Variants in FRMD4A observed in about 807,000 individuals in gnomAD.
The protein encoded by FRMD4A is FERM domain-containing protein 4A.
A neutral mutation model predicts 129.1 loss-of-function variants in FRMD4A; 29 were observed. The ratio of observed to expected loss-of-function variants is 0.22; its 90% confidence interval spans 0.17 to 0.31. FRMD4A has a LOEUF of 0.31. Ranked by LOEUF, FRMD4A falls within the 10% of genes least tolerant of loss-of-function variation. The pLI is 1.00. For missense variants in FRMD4A, 1,272 were observed against 1,375.8 expected (o/e 0.92, Z 1.19); for synonymous variants, 634 against 571.6 (o/e 1.11, Z -1.56).
At chr10:14,224,772 G>T (rs1338909413) in intron 2 of FRMD4A, among the ~76,000 whole-genome samples, 3 of 152,158 alleles carry the variant, frequency 2.0e-5, no homozygotes, top group Non-Finnish European at 4.4e-5. Flanking sequence ...TAAGAGGAGA[G>T]AATTGACTAA....
chr10:14,042,214 C>T (rs1833805980), intron 2 of FRMD4A, among the ~76,000 whole-genome samples: 1 of 152,220 alleles, frequency 6.6e-6, no homozygotes, highest in African/African-American at 2.4e-5. Context: ...TATACTGGTC[C>T]AAGCAAGCAT....
At chr10:13,759,460 C>T (rs192947156) in intron 8 of FRMD4A, among the ~76,000 whole-genome samples, 6 of 152,278 alleles carry the variant, frequency 3.9e-5, no homozygotes, top group East Asian at 1.9e-4. Context: ...CATTCCATCC[C>T]GTCAGGGTAC....
chr10:13,657,620 T>C, intron 21 of FRMD4A, 98 bp from the exon 22 acceptor site: 1 of 1,425,900 alleles, frequency 7.0e-7, no homozygotes, highest in Non-Finnish European at 9.2e-7. Context: ...ACTGGGTGTC[T>C]GCACGCGGGC....
At chr10:14,112,796 G>T (rs1424782508) in intron 2 of FRMD4A, among the ~76,000 whole-genome samples, 8 of 152,320 alleles carry the variant, frequency 5.3e-5, no homozygotes, top group Non-Finnish European at 1.0e-4. Context: ...AAAGTGCTGG[G>T]ATTACAGGCA....
chr10:14,212,873 G>A (rs1842970432), intron 2 of FRMD4A, among the ~76,000 whole-genome samples: 1 of 152,188 alleles, frequency 6.6e-6, no homozygotes, highest in African/African-American at 2.4e-5. Flanking sequence ...GAAGAAAGTG[G>A]AGTAGATTTC....
chr10:14,014,857 A>C (rs915832585), intron 2 of FRMD4A, among the ~76,000 whole-genome samples: 5 of 152,200 alleles, frequency 3.3e-5, no homozygotes, highest in African/African-American at 1.2e-4. Context: ...GGAAGACTCT[A>C]GGCAGAATTG....
intron 2 of FRMD4A, among the ~76,000 whole-genome samples, chr10:13,990,430 G>A (rs1453620947): frequency 6.6e-6 from 1 of 152,158 alleles, no homozygotes; most frequent in African/African-American, 2.4e-5. Context: ...GGCCTGTCTT[G>A]TCTGTTGGGC....
At chr10:13,714,317 C>T (rs921932412) in intron 12 of FRMD4A, among the ~76,000 whole-genome samples, 7 of 151,322 alleles carry the variant, frequency 4.6e-5, no homozygotes. Flanking sequence ...CTCGCCTTGG[C>T]TTCCTAAAGT....
intron 2 of FRMD4A, among the ~76,000 whole-genome samples, chr10:13,868,332 G>T (rs567505129): frequency 6.6e-6 from 1 of 151,646 alleles, no homozygotes; most frequent in Non-Finnish European, 1.5e-5. Flanking sequence ...GCTTACTTTT[G>T]TTCGGTTCTC....
intron 2 of FRMD4A, among the ~76,000 whole-genome samples, chr10:14,247,141 C>A (rs1382279128): frequency 6.6e-6 from 1 of 152,168 alleles, no homozygotes; most frequent in Non-Finnish European, 1.5e-5. Context: ...TCAGCTCAAA[C>A]TTGCCGATCC....
At chr10:13,778,598 CGTGT>C (rs150073571) in intron 6 of FRMD4A, among the ~76,000 whole-genome samples, 2 of 147,976 alleles carry the variant, frequency 1.4e-5, no homozygotes, top group African/African-American at 2.5e-5. Flanking sequence ...ACCATTCCAA[CGTGT>C]GTGTGTGTGT....
chr10:13,778,652 T>C (rs1001842525), intron 6 of FRMD4A, among the ~76,000 whole-genome samples: 1 of 151,682 alleles, frequency 6.6e-6, no homozygotes, highest in African/African-American at 2.4e-5. Flanking sequence ...TAATGGGTTT[T>C]TGCAATCCCT....
intron 6 of FRMD4A, among the ~76,000 whole-genome samples, chr10:13,769,628 A>G (rs1403143738): frequency 1.3e-5 from 2 of 152,016 alleles, no homozygotes; most frequent in Admixed American, 6.6e-5. Flanking sequence ...CCCAGATTAA[A>G]CAGTTTCTGG....
intron 2 of FRMD4A, among the ~76,000 whole-genome samples, chr10:14,012,919 C>T (rs1268028462): frequency 6.6e-6 from 1 of 152,090 alleles, no homozygotes; most frequent in Non-Finnish European, 1.5e-5. Flanking sequence ...TTATTTTGTT[C>T]ATTTGGCAGA....
intron 2 of FRMD4A, among the ~76,000 whole-genome samples, chr10:13,933,291 A>G (rs5011981): frequency 0.21 from 31,744 of 151,162 alleles, 3,681 homozygotes; most frequent in Non-Finnish European, 0.26. Context: ...TTTGTAACTT[A>G]CTTCATCCTC....
At position 14,089,644 on chromosome 10, in the gene FRMD4A, CA is replaced by C. The variant is rs72412046; in HGVS notation, c.46-230733del. On this transcript the variant is annotated intron_variant, in intron 2 of 24. Transcript: ENST00000357447. ...AAAAAAAAAAACAAAAAAAAACAAA[CA>C]AAAAAAAAACAGAAGAAAGAAATAA... 2.7e-4 allele frequency among the ~76,000 whole-genome samples: 36 copies of C among 131,896 alleles called. No individual in the cohort carries two copies. In the Middle Eastern group the frequency reaches 0.011, roughly 41 times the overall value. The allele number at this position is 131,896 out of a possible 152,430, so 86.5% of individuals were successfully genotyped here. A position where few individuals can be genotyped will look rare whatever the true frequency, so the allele number is the denominator to read the frequency against.
chr10:13,882,653 A>C (rs1325560090), intron 2 of FRMD4A, among the ~76,000 whole-genome samples: 1 of 152,178 alleles, frequency 6.6e-6, no homozygotes, highest in Non-Finnish European at 1.5e-5. Context: ...CACAGGACAG[A>C]TGCCATGTGC....
At chr10:13,997,584 C>T (rs1414186081) in intron 2 of FRMD4A, among the ~76,000 whole-genome samples, 3 of 151,068 alleles carry the variant, frequency 2.0e-5, no homozygotes, top group Non-Finnish European at 4.4e-5. Context: ...GATCCATGTA[C>T]TGTACTTAGA....
chr10:13,682,499 T>TTC (rs2084695949), intron 15 of FRMD4A, among the ~76,000 whole-genome samples: 2 of 118,642 alleles, frequency 1.7e-5, no homozygotes, highest in African/African-American at 9.4e-5. Context: ...CTTTCTTTCT[T>TTC]TTTTTTTTTT....
Sources: gnomAD v4.1 joint callset for allele counts (sites outside exome capture counted in the v4.1 genomes callset) on GRCh38, gnomAD v4.1.1 for gene constraint, MANE v1.5 for transcripts, NCBI Gene and HGNC (gene_info 2026-07-23, HGNC 2026-07-21) for gene names.